CCNY: variants seen among roughly 807,000 people sequenced by gnomAD.
The protein encoded by CCNY is cyclin Y, also known as cyclin-Y.
A neutral mutation model predicts 42.8 loss-of-function variants in CCNY; 19 were observed. The observed-to-expected ratio is 0.44, with a 90% CI of 0.31 to 0.65. CCNY has a LOEUF of 0.65. Ranked by LOEUF, CCNY falls within the 30% of genes least tolerant of loss-of-function variation. CCNY has a pLI of 0.07. For synonymous variants in CCNY, 165 were observed against 162.7 expected (o/e 1.01, Z -0.11); for missense variants, 370 against 437.3 (o/e 0.85, Z 1.37).
intron 3 of CCNY, among the ~76,000 whole-genome samples, chr10:35,269,339 C>CA (rs1287382007): frequency 6.6e-6 from 1 of 151,832 alleles, no homozygotes; most frequent in Admixed American, 6.6e-5. Flanking sequence ...TTTTTTGAGA[C>CA]AGAGTCTCAC....
At chr10:35,524,036 C>G (rs1372079745) in intron 4 of CCNY, among the ~76,000 whole-genome samples, 1 of 152,214 alleles carries the variant, frequency 6.6e-6, no homozygotes, top group Non-Finnish European at 1.5e-5. Flanking sequence ...ACAGTCATCA[C>G]AGCATGACTA....
intron 1 of CCNY, among the ~76,000 whole-genome samples, chr10:35,357,172 T>TCCTGCCCCTGCC (rs538749134): frequency 1.4e-5 from 2 of 148,104 alleles, no homozygotes; most frequent in African/African-American, 5.2e-5. Context: ...CAGCCCCTGC[T>TCCTGCCCCTGCC]CCTGCCCCTG....
intron 3 of CCNY, among the ~76,000 whole-genome samples, chr10:35,509,605 T>A (rs1221444891): frequency 6.6e-6 from 1 of 152,188 alleles, no homozygotes; most frequent in Non-Finnish European, 1.5e-5. Context: ...TATGGAACAT[T>A]AGTTTGTGAA....
rs1840743728 is a variant in CCNY at position 35,530,506 on chromosome 10, T to C, written c.579+263T>C. On this transcript the variant is annotated intron_variant, in intron 7 of 9. Coordinates refer to ENST00000374704, the MANE Select transcript of CCNY (RefSeq NM_145012.6). The surrounding 1 kb of genome is among the most constrained non-coding windows in gnomAD (Gnocchi z 4.3). ...ATCCAGGAAATGCTGAAATTAAAAATGCAGGTAAGTAAAACAGTAGGGCTA... is the reference window on the plus strand; with the variant it reads ...ATCCAGGAAATGCTGAAATTAAAAACGCAGGTAAGTAAAACAGTAGGGCTA... 6.6e-6 allele frequency among the ~76,000 whole-genome samples: 1 copy of C among 152,186 alleles called. No homozygotes were observed. Among genetic ancestry groups the C allele is most frequent in the South Asian group, 2.1e-4 (1 of 4,836 alleles).
In CCNY at chr10:35,411,239, GCGGTGGCTCA is replaced by G. The variant is rs925173990; in HGVS notation, c.155-72162_155-72153del. On this transcript the variant is annotated intron_variant, in intron 1 of 9. Coordinates refer to ENST00000374704, the MANE Select transcript of CCNY (RefSeq NM_145012.6). ...TAGATTTAGCAGCGATAGGCCGGGT[GCGGTGGCTCA>G]CGCATGTAATCCCAGCACTTTGGGA... Among the ~76,000 whole-genome samples, 40 of 152,212 alleles carry G rather than the reference GCGGTGGCTCA, an allele frequency of 2.6e-4. No individual in the cohort carries two copies. The Middle Eastern group carries it at 0.01, about 39-fold the overall frequency.
At chr10:35,540,188 T>G (rs1840970160) in intron 7 of CCNY, among the ~76,000 whole-genome samples, 1 of 152,230 alleles carries the variant, frequency 6.6e-6, no homozygotes, top group Admixed American at 6.5e-5. Context: ...CATTAAATGT[T>G]CTGTGTGCTG....
chr10:35,416,064 C>G (rs998094071), intron 1 of CCNY, among the ~76,000 whole-genome samples: 2 of 151,948 alleles, frequency 1.3e-5, no homozygotes, highest in Non-Finnish European at 1.5e-5. Flanking sequence ...CAAAGAAGAT[C>G]AAAGAAGAAA....
At chr10:35,440,963 G>A (rs1014938223) in intron 1 of CCNY, among the ~76,000 whole-genome samples, 1 of 152,184 alleles carries the variant, frequency 6.6e-6, no homozygotes, top group African/African-American at 2.4e-5. Flanking sequence ...TTAAGGATGG[G>A]TGCTCTTATT....
At chr10:35,351,389 G>C (rs1399615277) in intron 1 of CCNY, among the ~76,000 whole-genome samples, 2 of 152,222 alleles carry the variant, frequency 1.3e-5, no homozygotes, top group African/African-American at 2.4e-5. Context: ...GTCCTTCAAA[G>C]TGACTTTAAG....
chr10:35,563,875 ATT>A (rs527639128), intron 8 of CCNY, among the ~76,000 whole-genome samples: 19 of 118,424 alleles, frequency 1.6e-4, no homozygotes, highest in Non-Finnish European at 1.4e-4. Context: ...TGCCTGACTA[ATT>A]TTTTTTTTTT....
At chr10:35,362,985 C>A (rs1271490722) in intron 1 of CCNY, among the ~76,000 whole-genome samples, 1 of 144,082 alleles carries the variant, frequency 6.9e-6, no homozygotes, top group Non-Finnish European at 1.5e-5. Flanking sequence ...CCAGACAGGG[C>A]GGCGGCCGGG....
intron 1 of CCNY, among the ~76,000 whole-genome samples, chr10:35,425,727 A>C (rs1484843023): frequency 2.6e-5 from 4 of 152,210 alleles, no homozygotes; most frequent in Non-Finnish European, 5.9e-5. Flanking sequence ...TACCTTGTGG[A>C]GGGAATGTAA....
chr10:35,463,961 G>T (rs538181342), intron 1 of CCNY, among the ~76,000 whole-genome samples: 135 of 152,322 alleles, frequency 8.9e-4, no homozygotes, highest in African/African-American at 3.1e-3. Flanking sequence ...CAGAGAAGGT[G>T]CAGGAAGCTG....
chr10:35,357,800 T>G (rs1836590758), intron 1 of CCNY, among the ~76,000 whole-genome samples: 2 of 152,214 alleles, frequency 1.3e-5, no homozygotes, highest in Non-Finnish European at 2.9e-5. Flanking sequence ...CATTGACGGT[T>G]TTTTAGGTCC....
intron 3 of CCNY, among the ~76,000 whole-genome samples, chr10:35,318,155 G>A (rs1223281902): frequency 6.6e-6 from 1 of 152,210 alleles, no homozygotes; most frequent in Middle Eastern, 3.4e-3. Context: ...TTGAGCCCAG[G>A]AGTTCTAGGC....
chr10:35,331,028 G>C (rs1043718335), intron 3 of CCNY, among the ~76,000 whole-genome samples: 1 of 152,248 alleles, frequency 6.6e-6, no homozygotes, highest in East Asian at 1.9e-4. Flanking sequence ...CAAAGTGCTA[G>C]GATTACAGGC....
At chr10:35,387,373 T>G (rs1837320680) in intron 1 of CCNY, among the ~76,000 whole-genome samples, 1 of 152,196 alleles carries the variant, frequency 6.6e-6, no homozygotes, top group Non-Finnish European at 1.5e-5. Flanking sequence ...TTCTGCCCCT[T>G]CTGGATAGAA....
intron 1 of CCNY, among the ~76,000 whole-genome samples, chr10:35,339,916 A>T (rs1376033677): frequency 6.6e-6 from 1 of 152,222 alleles, no homozygotes; most frequent in Non-Finnish European, 1.5e-5. Flanking sequence ...TTCTTATAAA[A>T]TCATTCAGAG....
chr10:35,506,446 A>G (rs1240154483), intron 3 of CCNY, among the ~76,000 whole-genome samples: 1 of 152,150 alleles, frequency 6.6e-6, no homozygotes, highest in Non-Finnish European at 1.5e-5. Flanking sequence ...GATAATGATA[A>G]TGTTACACAC....
Sources: allele counts gnomAD v4.1 joint callset (sites outside exome capture counted in the v4.1 genomes callset), GRCh38; gene constraint gnomAD v4.1.1; non-coding constraint Gnocchi (gnomAD v3.1); transcripts MANE v1.5; gene names NCBI Gene and HGNC (gene_info 2026-07-23, HGNC 2026-07-21).